Variants in PTPRD observed in about 807,000 individuals in gnomAD.
PTPRD encodes protein tyrosine phosphatase receptor type D.
PTPRD carries 34 observed loss-of-function variants against 214.5 expected under a neutral mutation model. The observed-to-expected ratio is 0.16, with a 90% CI of 0.12 to 0.21. PTPRD has a LOEUF of 0.21. Ranked by LOEUF, PTPRD falls within the 10% of genes least tolerant of loss-of-function variation. The probability of loss-of-function intolerance (pLI) is 1.00; values close to 1 mark genes in which losing one functional copy is unlikely to be tolerated. For missense variants in PTPRD, 2,545 were observed against 2,398.7 expected (o/e 1.06, Z -1.27); for synonymous variants, 1,128 against 845.7 (o/e 1.33, Z -5.79).
At chr9:9,623,179 T>C (rs1341373212) in intron 7 of PTPRD, among the ~76,000 whole-genome samples, 1 of 152,208 alleles carries the variant, frequency 6.6e-6, no homozygotes, top group Non-Finnish European at 1.5e-5. Flanking sequence ...ATAATTATAT[T>C]GAGACAAGAT....
At chr9:10,012,831 C>A (rs1253023563) in intron 4 of PTPRD, among the ~76,000 whole-genome samples, 1 of 151,900 alleles carries the variant, frequency 6.6e-6, no homozygotes, top group Non-Finnish European at 1.5e-5. Context: ...ATTGGGATAG[C>A]TGCTTAGAAG....
intron 14 of PTPRD, among the ~76,000 whole-genome samples, chr9:8,588,640 A>G (rs964238546): frequency 6.6e-6 from 1 of 152,214 alleles, no homozygotes; most frequent in African/African-American, 2.4e-5. Flanking sequence ...TTTTCTTCCT[A>G]GAACTCACAG....
At chr9:9,467,649 T>C (rs866863971) in intron 8 of PTPRD, among the ~76,000 whole-genome samples, 1 of 142,460 alleles carries the variant, frequency 7.0e-6, no homozygotes, top group Non-Finnish European at 1.5e-5. Flanking sequence ...CTTTCATAAA[T>C]AGCATGTTTA....
At chr9:9,225,771 C>G (rs1026422707) in intron 9 of PTPRD, among the ~76,000 whole-genome samples, 3 of 151,956 alleles carry the variant, frequency 2.0e-5, no homozygotes, top group Admixed American at 1.3e-4. Context: ...CCCAATAGAA[C>G]ATAAAATACA....
intron 6 of PTPRD, among the ~76,000 whole-genome samples, chr9:9,760,069 T>A (rs2098638180): frequency 6.6e-6 from 1 of 152,200 alleles, no homozygotes; most frequent in African/African-American, 2.4e-5. Flanking sequence ...TAATGGATTT[T>A]CCCTCTGAAG....
At chr9:9,585,040 T>C (rs1216745724) in intron 7 of PTPRD, among the ~76,000 whole-genome samples, 2 of 152,094 alleles carry the variant, frequency 1.3e-5, no homozygotes, top group African/African-American at 2.4e-5. Context: ...AACCACTTCT[T>C]CTTTCATAAA....
chr9:10,562,343 T>TG (rs2064223455), intron 2 of PTPRD, among the ~76,000 whole-genome samples: 1 of 151,784 alleles, frequency 6.6e-6, no homozygotes, highest in African/African-American at 2.4e-5. Flanking sequence ...TTTTTTTTTT[T>TG]GCTGCCTGTA....
intron 10 of PTPRD, among the ~76,000 whole-genome samples, chr9:9,155,329 T>C (rs1162600048): frequency 6.6e-6 from 1 of 152,136 alleles, no homozygotes; most frequent in East Asian, 1.9e-4. Flanking sequence ...AAGCATATCA[T>C]ACAAACAAGG....
chr9:9,856,615 TA>T (rs5896354), intron 5 of PTPRD, among the ~76,000 whole-genome samples: 2 of 149,130 alleles, frequency 1.3e-5, no homozygotes, highest in South Asian at 2.1e-4. Flanking sequence ...AATGAATTGT[TA>T]AAAAAAAAGA....
chr9:10,245,712 C>T (rs2091961891), intron 3 of PTPRD, among the ~76,000 whole-genome samples: 2 of 152,034 alleles, frequency 1.3e-5, no homozygotes, highest in Non-Finnish European at 2.9e-5. Flanking sequence ...CTACTGAAGG[C>T]ATTTAATCTA....
At chr9:8,845,687 TC>T (rs958378993) in intron 11 of PTPRD, among the ~76,000 whole-genome samples, 4 of 152,180 alleles carry the variant, frequency 2.6e-5, no homozygotes, top group Non-Finnish European at 5.9e-5. Context: ...TGTCCACAGC[TC>T]AACATAAACA....
intron 10 of PTPRD, among the ~76,000 whole-genome samples, chr9:9,046,377 C>G (rs2099672185): frequency 2.0e-5 from 3 of 152,088 alleles, no homozygotes; most frequent in Admixed American, 2.0e-4. Context: ...GAAGGATGCT[C>G]AATTGTTTTT....
At chr9:8,700,314 G>A (rs1402968584) in intron 12 of PTPRD, among the ~76,000 whole-genome samples, 4 of 152,184 alleles carry the variant, frequency 2.6e-5, no homozygotes, top group Admixed American at 1.3e-4. Flanking sequence ...CCACTAAGAA[G>A]AGTAGTCAGC....
chr9:9,682,964 C>T (rs1003906678), intron 7 of PTPRD, among the ~76,000 whole-genome samples: 21 of 151,714 alleles, frequency 1.4e-4, no homozygotes, highest in Non-Finnish European at 2.2e-4. Context: ...AAGATATGTA[C>T]AGTCATTAGT....
chr9:10,326,549 A>G (rs977199750), intron 3 of PTPRD, among the ~76,000 whole-genome samples: 1 of 151,576 alleles, frequency 6.6e-6, no homozygotes, highest in African/African-American at 2.4e-5. Flanking sequence ...TTATAGATAA[A>G]TTGTTTTTAC....
At chr9:9,892,366 A>G (rs1197811718) in intron 5 of PTPRD, among the ~76,000 whole-genome samples, 2 of 152,106 alleles carry the variant, frequency 1.3e-5, no homozygotes, top group Non-Finnish European at 2.9e-5. Flanking sequence ...GCGGGGAGGA[A>G]GTGTTGATTG....
chr9:8,668,541 C>G (rs1337037072), intron 12 of PTPRD, among the ~76,000 whole-genome samples: 1 of 152,108 alleles, frequency 6.6e-6, no homozygotes, highest in Admixed American at 6.5e-5. Flanking sequence ...GATTTTTAAT[C>G]TTAACTGTAA....
chr9:9,388,339 C>A (rs1001907848), intron 9 of PTPRD, among the ~76,000 whole-genome samples: 1 of 152,118 alleles, frequency 6.6e-6, no homozygotes, highest in African/African-American at 2.4e-5. Context: ...GGGGATGGAG[C>A]TTTAGCCAGG....
intron 7 of PTPRD, among the ~76,000 whole-genome samples, chr9:9,723,798 T>C (rs2098018447): frequency 6.6e-6 from 1 of 152,230 alleles, no homozygotes; most frequent in South Asian, 2.1e-4. Flanking sequence ...TTTCCTATTT[T>C]CATATTTGGG....
Sources: gnomAD v4.1 joint callset for allele counts (sites outside exome capture counted in the v4.1 genomes callset) on GRCh38, gnomAD v4.1.1 for gene constraint, MANE v1.5 for transcripts, NCBI Gene and HGNC (gene_info 2026-07-23, HGNC 2026-07-21) for gene names.